NEK11: variants seen among roughly 807,000 people sequenced by gnomAD.
The protein encoded by NEK11 is serine/threonine-protein kinase Nek11.
NEK11 carries 72 observed loss-of-function variants against 80.7 expected under a neutral mutation model. The ratio of observed to expected loss-of-function variants is 0.89; its 90% CI spans 0.74 to 1.08. NEK11 has a LOEUF of 1.08. Ranked by LOEUF, NEK11 falls within the 50% of genes least tolerant of loss-of-function variation. The pLI is 0.00. For synonymous variants in NEK11, 251 were observed against 260.7 expected (o/e 0.96, Z 0.36); for missense variants, 764 against 763.6 (o/e 1.00, Z -0.01).
intron 7 of NEK11, among the ~76,000 whole-genome samples, chr3:131,143,062 A>G (rs1380608581): frequency 6.6e-6 from 1 of 152,198 alleles, no homozygotes; most frequent in African/African-American, 2.4e-5. Context: ...TAAAAAATTC[A>G]GCTCATCAGT....
At chr3:131,041,452 A>AG in intron 3 of NEK11, among the ~76,000 whole-genome samples, 1 of 152,280 alleles carries the variant, frequency 6.6e-6, no homozygotes, top group South Asian at 2.1e-4. Flanking sequence ...ATAATTTCCC[A>AG]CAGATAAAGC....
rs536717148 is a variant in NEK11, at chr3:131,080,774, G to T, written c.336+186G>T. On this transcript the variant is annotated intron_variant, in intron 4 of 17. Transcript: ENST00000383366. ...ATTGACAAAACTTGTTTCTAAGGAA[G>T]GGTTTTTCCCTCCATTGGCAAACTC... Among the ~76,000 whole-genome samples the T allele has an allele frequency of 3.4e-4, 52 of 152,246 alleles. No homozygotes were observed. In the South Asian group the frequency reaches 0.01, roughly 30 times the overall value.
chr3:131,151,771 G>A (rs1234364504), intron 7 of NEK11, among the ~76,000 whole-genome samples: 1 of 151,622 alleles, frequency 6.6e-6, no homozygotes. Flanking sequence ...GATTTGCATG[G>A]TTAATCCAAA....
intron 5 of NEK11, among the ~76,000 whole-genome samples, chr3:131,129,710 C>A (rs976831714): frequency 2.6e-5 from 4 of 152,172 alleles, no homozygotes; most frequent in Non-Finnish European, 5.9e-5. Context: ...CGACTGTGTT[C>A]CATTGCATTG....
chr3:131,293,679 T>C (rs2096566873), intron 17 of NEK11, among the ~76,000 whole-genome samples: 1 of 152,142 alleles, frequency 6.6e-6, no homozygotes, highest in Admixed American at 6.5e-5. Context: ...TGTTATAATT[T>C]CTTCCTTAAG....
At chr3:131,246,933 A>C (rs754434926) in intron 16 of NEK11, among the ~76,000 whole-genome samples, 29 of 151,614 alleles carry the variant, frequency 1.9e-4, no homozygotes, top group Non-Finnish European at 2.4e-4. Flanking sequence ...TTGTCTACTT[A>C]TGTCCTTAGC....
At chr3:131,176,457 C>G (rs904141947) in intron 14 of NEK11, among the ~76,000 whole-genome samples, 2 of 152,122 alleles carry the variant, frequency 1.3e-5, no homozygotes, top group Non-Finnish European at 2.9e-5. Flanking sequence ...AGTGTTTCCA[C>G]CTGACTCTAA....
chr3:131,041,820 C>T (rs183899378), intron 3 of NEK11, among the ~76,000 whole-genome samples: 7 of 152,104 alleles, frequency 4.6e-5, no homozygotes, highest in Non-Finnish European at 1.0e-4. Context: ...GCAAGATGGC[C>T]GAATAAGAAC....
intron 14 of NEK11, among the ~76,000 whole-genome samples, chr3:131,208,692 T>C (rs1037705311): frequency 6.6e-5 from 10 of 152,190 alleles, no homozygotes; most frequent in Admixed American, 3.3e-4. Flanking sequence ...CCCTTGTAAG[T>C]TGGATTCCTA....
At chr3:131,307,780 A>G (rs1452537790) in intron 17 of NEK11, among the ~76,000 whole-genome samples, 1 of 152,240 alleles carries the variant, frequency 6.6e-6, no homozygotes, top group Non-Finnish European at 1.5e-5. Context: ...GAGCACAGCA[A>G]TATCTTCAAT....
rs2097346874 is a variant in NEK11, at chr3:131,345,352, C to A, written c.1719-4205C>A. 2.6e-5 allele frequency among the ~76,000 whole-genome samples: 4 copies of A among 152,088 alleles called. No homozygotes were observed. The South Asian group carries it at 6.2e-4, about 24-fold the overall frequency. Reference sequence around the variant, plus strand: ...ACTCTTACAACTTAACTGCAAAAAACCAAATAACTCAATTTTTAAAATGGC... The same window carrying A: ...ACTCTTACAACTTAACTGCAAAAAAACAAATAACTCAATTTTTAAAATGGC... On this transcript the variant is annotated intron_variant, in intron 17 of 17. Transcript: ENST00000383366.
intron 7 of NEK11, among the ~76,000 whole-genome samples, chr3:131,134,663 T>C (rs147800013): frequency 0.013 from 2,011 of 152,252 alleles, 38 homozygotes; most frequent in African/African-American, 0.045. Flanking sequence ...CCTCCCAAAG[T>C]GCTGGGATTA....
At chr3:131,290,016 G>A (rs2096527227) in intron 17 of NEK11, among the ~76,000 whole-genome samples, 1 of 152,216 alleles carries the variant, frequency 6.6e-6, no homozygotes. Flanking sequence ...CAGGGCCTTT[G>A]ATTGAAGCAG....
intron 3 of NEK11, among the ~76,000 whole-genome samples, chr3:131,060,384 G>A (rs372017711): frequency 2.2e-4 from 33 of 152,116 alleles, no homozygotes; most frequent in Non-Finnish European, 3.8e-4. Context: ...TTTTTTCATC[G>A]AGGCAATTTA....
At position 131,275,861 on chromosome 3, in the gene NEK11, A is replaced by C. The variant is rs1419980328; in HGVS notation, c.1718+2287A>C. Reference sequence around the variant, plus strand: ...CTCCATAGAGATTATAATGTAGAGAAAACACAAAACTTCAAATGCAAAACG... The same window carrying C: ...CTCCATAGAGATTATAATGTAGAGACAACACAAAACTTCAAATGCAAAACG... On this transcript the variant is annotated intron_variant, in intron 17 of 17. Coordinates refer to ENST00000383366, the MANE Select transcript of NEK11 (RefSeq NM_024800.5). 2.0e-5 allele frequency among the ~76,000 whole-genome samples: 3 copies of C among 152,266 alleles called. No homozygotes were observed. The South Asian group carries it at 6.2e-4, about 31-fold the overall frequency.
At chr3:131,232,186 A>G (rs2095342897) in intron 15 of NEK11, among the ~76,000 whole-genome samples, 1 of 152,142 alleles carries the variant, frequency 6.6e-6, no homozygotes, top group South Asian at 2.1e-4. Flanking sequence ...ACTGAATTGG[A>G]GCCAGCATCT....
chr3:131,050,896 C>T (rs2068281972), intron 3 of NEK11, among the ~76,000 whole-genome samples: 2 of 151,976 alleles, frequency 1.3e-5, no homozygotes, highest in Non-Finnish European at 2.9e-5. Flanking sequence ...CATGGTGGCG[C>T]ATGCCTGCAG....
At chr3:131,238,670 G>GGGAGAAGA (rs2095473434) in intron 15 of NEK11, among the ~76,000 whole-genome samples, 1 of 152,098 alleles carries the variant, frequency 6.6e-6, no homozygotes, top group Admixed American at 6.6e-5. Context: ...AAAGGGAACT[G>GGGAGAAGA]GGAGAAGAGT....
intron 14 of NEK11, among the ~76,000 whole-genome samples, chr3:131,218,979 G>T (rs2107635544): frequency 6.6e-6 from 1 of 152,310 alleles, no homozygotes; most frequent in East Asian, 1.9e-4. Flanking sequence ...GTGGAAGACA[G>T]TGTGGTGATT....
Sources: allele counts gnomAD v4.1 joint callset (sites outside exome capture counted in the v4.1 genomes callset), GRCh38; gene constraint gnomAD v4.1.1; transcripts MANE v1.5; gene names NCBI Gene and HGNC (gene_info 2026-07-23, HGNC 2026-07-21).